MAN1A2: variants seen among roughly 807,000 people sequenced by gnomAD.
MAN1A2 encodes mannosidase alpha class 1A member 2, also known as mannosyl-oligosaccharide 1,2-alpha-mannosidase IB.
In MAN1A2, 26 loss-of-function variants were observed where a neutral mutation model predicts 75.7. The observed-to-expected ratio is 0.34, with a 90% CI of 0.25 to 0.48. The LOEUF (loss-of-function observed/expected upper bound fraction) is 0.48, where lower values mean the gene tolerates loss of function less well. Ranked by LOEUF, MAN1A2 falls within the 20% of genes least tolerant of loss-of-function variation. The pLI, the probability that MAN1A2 is intolerant of heterozygous loss-of-function variation, is 0.99. For missense variants in MAN1A2, 562 were observed against 775.5 expected, an observed-to-expected ratio of 0.72 and a Z score of 3.27; for synonymous variants, 247 against 264.6, an observed-to-expected ratio of 0.93 and a Z score of 0.65.
chr1:117,367,910 T>TA lies in MAN1A2; in HGVS notation c.-274_-273insA, dbSNP rs746615594. The TA allele has an allele frequency of 7.2e-4, 266 of 368,780 alleles. 1 individual carries two copies. The highest frequency in any genetic ancestry group is 2.0e-4 in the Non-Finnish European group (41 of 205,298). 22.8% of individuals were successfully genotyped at this position (368,780 alleles called of 1,614,324 possible). On this transcript the variant is annotated 5_prime_UTR_variant, in exon 1 of 13. The change abolishes an upstream ATG in the 5' untranslated region. Transcript: ENST00000356554. ...GGCTTGCCTGATCTACCCCTAGGAA[T>TA]GAAGAGGAGGCTTGTAATAATCCGA...
intron 1 of MAN1A2, among the ~76,000 whole-genome samples, chr1:117,392,855 G>A (rs1173727308): frequency 6.6e-6 from 1 of 152,204 alleles, no homozygotes; most frequent in Non-Finnish European, 1.5e-5. Context: ...TATTTTGTAG[G>A]TGCCACATGA....
chr1:117,392,325 G>T (rs1474941792), intron 1 of MAN1A2, among the ~76,000 whole-genome samples: 1 of 151,700 alleles, frequency 6.6e-6, no homozygotes, highest in Non-Finnish European at 1.5e-5. Context: ...TACTTGATCT[G>T]CATGGCAAAC....
In MAN1A2 at chr1:117,526,870, C is replaced by CTCTCTG. The variant is rs1652036844; in HGVS notation, c.*3918_*3919insGTCTCT. 4.4e-5 allele frequency: 4 copies of CTCTCTG among 90,168 alleles called. No homozygotes were observed. Among genetic ancestry groups the CTCTCTG allele is most frequent in the Non-Finnish European group, 9.3e-5 (4 of 43,162 alleles). The allele number at this position is 90,168 out of a possible 1,614,324, so 5.6% of individuals were successfully genotyped here. On this transcript the variant is annotated 3_prime_UTR_variant, in exon 13 of 13. Coordinates refer to ENST00000356554, the MANE Select transcript of MAN1A2 (RefSeq NM_006699.5). ...TCTCTCTCTCTCTCTCTCTCTCTCT[C>CTCTCTG]TCTCTCTCTCTATATATATATATAT...
rs570747297 is a variant in MAN1A2 at position 117,387,996 on chromosome 1, CT to C, written c.303-14189del. ...CGTCATCTCCAAATACCCCCTCCCC[CT>C]ATCATCTCCAAATACTATCACTTTG... On this transcript the variant is annotated intron_variant, in intron 1 of 12. Coordinates refer to ENST00000356554, the MANE Select transcript of MAN1A2 (RefSeq NM_006699.5). 2.3e-3 allele frequency among the ~76,000 whole-genome samples: 352 copies of C among 149,912 alleles called. 5 individuals are homozygous for C. Among genetic ancestry groups the C allele is most frequent in the African/African-American group, 8.2e-3 (325 of 39,864 alleles).
chr1:117,514,742 G>C (rs1220359358), intron 12 of MAN1A2: 1 of 494,778 alleles, frequency 2.0e-6, no homozygotes, highest in African/African-American at 2.0e-5. Context: ...GGATCATTGT[G>C]GGTGAGGATT....
intron 1 of MAN1A2, among the ~76,000 whole-genome samples, chr1:117,394,086 C>CTT (rs200109590): frequency 2.2e-4 from 32 of 143,416 alleles, no homozygotes; most frequent in Middle Eastern, 3.6e-3. Flanking sequence ...AGTGGGTTTC[C>CTT]TTTTTTTTTT....
At chr1:117,519,042 A>C (rs1468306637) in intron 12 of MAN1A2, among the ~76,000 whole-genome samples, 3 of 152,222 alleles carry the variant, frequency 2.0e-5, no homozygotes, top group Non-Finnish European at 4.4e-5. Context: ...AGCCTTCAAA[A>C]CCATGCAAAT....
intron 1 of MAN1A2, among the ~76,000 whole-genome samples, chr1:117,375,338 C>T (rs187810827): frequency 6.6e-6 from 1 of 152,190 alleles, no homozygotes; most frequent in Admixed American, 6.5e-5. Flanking sequence ...AATTTCCTAA[C>T]CTTAATATTG....
In MAN1A2 at chr1:117,526,880, C is replaced by CTCTCTCACTATATA; in HGVS notation, c.*3924_*3925insCTCTCACTATATAT. On this transcript the variant is annotated 3_prime_UTR_variant, in exon 13 of 13. Transcript: ENST00000356554. ...TCTCTCTCTCTCTCTCTCTCTCTCT[C>CTCTCTCACTATATA]TATATATATATATATATATATATAT... is the stretch of plus-strand genomic sequence containing the variant. The CTCTCTCACTATATA allele has an allele frequency of 1.8e-5, 1 of 54,522 alleles. No homozygotes were observed. 3.4% of individuals were successfully genotyped at this position (54,522 alleles called of 1,614,324 possible).
At chr1:117,421,207 G>A (rs1345025062) in intron 5 of MAN1A2, among the ~76,000 whole-genome samples, 2 of 152,058 alleles carry the variant, frequency 1.3e-5, no homozygotes, top group Admixed American at 1.3e-4. Context: ...GAATGAGGTT[G>A]AAGAGTGGGA....
chr1:117,453,617 G>C (rs1380081345), intron 6 of MAN1A2, among the ~76,000 whole-genome samples: 2 of 152,192 alleles, frequency 1.3e-5, no homozygotes, highest in East Asian at 3.8e-4. Flanking sequence ...TTACAGATGA[G>C]CAGAGAAAGT....
chr1:117,403,576 A>G (rs1181435421), intron 2 of MAN1A2, among the ~76,000 whole-genome samples: 1 of 152,216 alleles, frequency 6.6e-6, no homozygotes, highest in African/African-American at 2.4e-5. Context: ...CACCAGAAGT[A>G]CCCACGGAAC....
intron 3 of MAN1A2, among the ~76,000 whole-genome samples, chr1:117,410,262 G>A (rs893369896): frequency 2.0e-5 from 3 of 151,888 alleles, no homozygotes; most frequent in Non-Finnish European, 2.9e-5. Context: ...ATAGAGATAC[G>A]TGGTAGGTTT....
At chr1:117,428,058 C>G (rs144443473) in intron 5 of MAN1A2, among the ~76,000 whole-genome samples, 1 of 151,620 alleles carries the variant, frequency 6.6e-6, no homozygotes, top group Non-Finnish European at 1.5e-5. Context: ...ATTGCAGACA[C>G]GTATAGCTTA....
At chr1:117,518,246 AGC>A (rs1044579266) in intron 12 of MAN1A2, among the ~76,000 whole-genome samples, 3 of 152,082 alleles carry the variant, frequency 2.0e-5, no homozygotes, top group African/African-American at 7.2e-5. Context: ...CTTGTTATTT[AGC>A]AGCGCATATA....
intron 12 of MAN1A2, chr1:117,515,938 A>G (rs1651701592): frequency 6.6e-6 from 1 of 151,962 alleles, no homozygotes; most frequent in Non-Finnish European, 1.5e-5. Flanking sequence ...TATTACCACA[A>G]TAAAAAAAAT....
chr1:117,519,275 G>T (rs940903588), intron 12 of MAN1A2, among the ~76,000 whole-genome samples: 1 of 151,826 alleles, frequency 6.6e-6, no homozygotes, highest in Non-Finnish European at 1.5e-5. Context: ...ACACCTCAAA[G>T]AACTAGAGAA....
intron 8 of MAN1A2, among the ~76,000 whole-genome samples, chr1:117,492,161 C>G (rs1345454808): frequency 6.6e-6 from 1 of 152,056 alleles, no homozygotes; most frequent in Non-Finnish European, 1.5e-5. Context: ...TGCTATCAAA[C>G]AGCACCACAA....
chr1:117,374,071 GGATT>G (rs1397773584), intron 1 of MAN1A2, among the ~76,000 whole-genome samples: 2 of 152,114 alleles, frequency 1.3e-5, no homozygotes, highest in African/African-American at 4.8e-5. Context: ...GGAGGTGGGA[GGATT>G]GATTGATTGA....
Sources: allele counts gnomAD v4.1 joint callset (sites outside exome capture counted in the v4.1 genomes callset), GRCh38; gene constraint gnomAD v4.1.1; transcripts MANE v1.5; gene names NCBI Gene and HGNC (gene_info 2026-07-23, HGNC 2026-07-21).